Variants in TBCB observed in about 807,000 individuals in gnomAD.
TBCB encodes the protein tubulin-folding cofactor B.
TBCB carries 18 observed loss-of-function variants against 29.2 expected under a neutral mutation model. The ratio of observed to expected loss-of-function variants is 0.62; its 90% CI spans 0.43 to 0.91. TBCB has a LOEUF of 0.91. Among genes scored for constraint, TBCB ranks in the 40% least tolerant of loss-of-function variants. TBCB has a pLI of 0.00. For missense variants in TBCB, 336 were observed against 337.6 expected (o/e 1.00, Z 0.04); for synonymous variants, 172 against 137.8 (o/e 1.25, Z -1.74).
At chr19:36,121,371 G>A (rs1181470555) in intron 3 of TBCB, among the ~76,000 whole-genome samples, 156 bp from the exon 4 acceptor site, 1 of 151,918 alleles carries the variant, frequency 6.6e-6, no homozygotes, top group Non-Finnish European at 1.5e-5. Context: ...TCCTGGGAGA[G>A]GCTAAGGCTG....
upstream of TBCB, chr19:36,115,055 T>C (rs1326592317): frequency 3.3e-6 from 2 of 606,528 alleles, no homozygotes; most frequent in Non-Finnish European, 5.8e-6. Flanking sequence ...TATCTTAGAG[T>C]AATTGCTTCC....
chr19:36,121,494 A>G (rs2075474), intron 3 of TBCB, 33 bp from the exon 4 acceptor site: 614,037 of 1,533,986 alleles, frequency 0.4, 125,084 homozygotes, highest in African/African-American at 0.43. Context: ...CCCGGCCGAC[A>G]CCCCAACTGA....
chr19:36,116,748 C>A (rs1000549581), intron 2 of TBCB: 1 of 152,302 alleles, frequency 6.6e-6, no homozygotes, highest in Non-Finnish European at 1.5e-5. Context: ...TGTGCCCCAG[C>A]CTCCCGAGTA....
Position 36,121,513 on chromosome 19 carries a change from C to G in TBCB, c.356-14C>G, listed in dbSNP as rs1464640143. On this transcript the variant is annotated splice_polypyrimidine_tract_variant and intron_variant, in intron 3 of 5. Transcript: ENST00000221855. ...GCCGACACCCCAACTGACCCCAGCC[C>G]CCTCTGCCCACAGACACGGTCCGCT... The G allele has an allele frequency of 1.9e-6, 3 of 1,549,392 alleles. No homozygotes were observed. Among genetic ancestry groups the G allele is most frequent in the Non-Finnish European group, 2.6e-6 (3 of 1,150,026 alleles).
Position 36,120,812 on chromosome 19 carries a change from G to A in TBCB, c.355+6G>A, listed in dbSNP as rs368386652. On this transcript the variant is annotated splice_donor_region_variant and intron_variant, in intron 3 of 5. Coordinates refer to ENST00000221855, the MANE Select transcript of TBCB (RefSeq NM_001281.3). ...AGCCTACGACCAGAGGCAAGGTACG[G>A]GCAGGTGGGCGTCGAGGGGTGCGTG... The A allele has an allele frequency of 7.8e-5, 126 of 1,613,816 alleles. No homozygotes were observed. Among genetic ancestry groups the A allele is most frequent in the Non-Finnish European group, 1.1e-4 (124 of 1,179,970 alleles).
chr19:36,116,408 G>T (rs1973955741), intron 2 of TBCB: 1 of 488,132 alleles, frequency 2.0e-6, no homozygotes, highest in Admixed American at 3.7e-5. Context: ...CCAAGAAGAG[G>T]TGCCTGACTC....
At position 36,122,030 on chromosome 19, in the gene TBCB, G is replaced by T. The variant is rs186773102; in HGVS notation, c.547+312G>T. On this transcript the variant is annotated intron_variant, in intron 4 of 5. Transcript: ENST00000221855. ...CAGTCGCGGTGGGGAAACGGGCGGC[G>T]TGACCAAGGCAGGAGTGAGGGAACA... 425 of 466,802 alleles carry T rather than the reference G, an allele frequency of 9.1e-4. 3 individuals carry two copies. The highest frequency in any genetic ancestry group is 8.0e-3 in the African/African-American group (391 of 49,036). 28.9% of individuals were successfully genotyped at this position (466,802 alleles called of 1,614,324 possible).
chr19:36,116,317 C>T (rs991243930), intron 2 of TBCB, 133 bp downstream of exon 2: 30 of 1,204,022 alleles, frequency 2.5e-5, no homozygotes, highest in East Asian at 1.2e-4. Context: ...TGCAGCCTGA[C>T]GAGAGACAGA....
intron 4 of TBCB, among the ~76,000 whole-genome samples, chr19:36,125,068 C>T (rs1438804476): frequency 6.6e-6 from 1 of 152,156 alleles, no homozygotes; most frequent in African/African-American, 2.4e-5. Context: ...CACTGAGCAA[C>T]TTAAAGTTAT....
chr19:36,121,777 TG>T lies in TBCB; in HGVS notation c.547+64del, dbSNP rs1276580027. 8.4e-6 allele frequency: 13 copies of T among 1,545,158 alleles called. No individual in the cohort carries two copies. In the Admixed American group the frequency reaches 2.0e-4, roughly 23 times the overall value. On this transcript the variant is annotated intron_variant, in intron 4 of 5. Transcript: ENST00000221855. ...GGGCTCCAAGGCCGGGAGGAAATGT[TG>T]GGGGCACAGTGGAGCCTCGGAGACC... is the stretch of plus-strand genomic sequence containing the variant.
chr19:36,121,820 C>T, intron 4 of TBCB, 102 bp downstream of exon 4: 2 of 1,445,996 alleles, frequency 1.4e-6, no homozygotes, highest in Middle Eastern at 2.0e-4. Context: ...TGCCTAGGGG[C>T]GCGGGGTTGG....
Position 36,121,560 on chromosome 19 carries a change from T to TCGGC in TBCB, c.393_396dup (p.Tyr133ProfsTer35). Reference sequence around the variant, plus strand: ...CGCTCTTTCCTGAAGCGCAGCAAGCTCGGCCGGTACAACGAGGAGGAGCGG... The same window carrying TCGGC: ...CGCTCTTTCCTGAAGCGCAGCAAGCTCGGCCGGCCGGTACAACGAGGAGGAGCGG... On this transcript the variant is annotated frameshift_variant, in exon 4 of 6. Transcript: ENST00000221855. LOFTEE classifies it high-confidence loss of function. 6.4e-7 allele frequency: 1 copy of TCGGC among 1,560,558 alleles called. No individual in the cohort carries two copies. The highest frequency in any genetic ancestry group is 2.4e-5 in the East Asian group (1 of 41,988).
chr19:36,124,791 C>A (rs945333388), intron 4 of TBCB, among the ~76,000 whole-genome samples: 1 of 152,302 alleles, frequency 6.6e-6, no homozygotes, highest in Non-Finnish European at 1.5e-5. Flanking sequence ...GATCCACCCT[C>A]CTCAGCCTAC....
upstream of TBCB, chr19:36,115,093 A>G (rs1034435407): frequency 6.7e-6 from 4 of 596,234 alleles, no homozygotes; most frequent in African/African-American, 7.4e-5. Flanking sequence ...GCCTCAGTTT[A>G]CAGAATAGTA....
At chr19:36,117,398 G>A (rs1424215250) in intron 2 of TBCB, among the ~76,000 whole-genome samples, 1 of 152,168 alleles carries the variant, frequency 6.6e-6, no homozygotes, top group Non-Finnish European at 1.5e-5. Context: ...AGGCCGGAAT[G>A]CAGTGGTGTG....
intron 3 of TBCB, 27 bp from the exon 4 acceptor site, chr19:36,121,500 A>G (rs1974049083): frequency 1.3e-6 from 2 of 1,540,848 alleles, no homozygotes; most frequent in South Asian, 1.2e-5. Flanking sequence ...CGACACCCCA[A>G]CTGACCCCAG....
chr19:36,115,532 C>T lies in TBCB; in HGVS notation c.-29C>T, dbSNP rs772998768. 6.4e-7 allele frequency: 1 copy of T among 1,551,808 alleles called. No individual in the cohort carries two copies. The highest frequency in any genetic ancestry group is 8.8e-7 in the Non-Finnish European group (1 of 1,142,048). On this transcript the variant is annotated 5_prime_UTR_variant, in exon 1 of 6. Coordinates refer to ENST00000221855, the MANE Select transcript of TBCB (RefSeq NM_001281.3). ...GAGCGGGTGTGAGGCGGCTGGACCGCGCTGCAGGCATCCGCAGGGCGCGGC... is the reference window on the plus strand; with the variant it reads ...GAGCGGGTGTGAGGCGGCTGGACCGTGCTGCAGGCATCCGCAGGGCGCGGC...
At position 36,116,183 on chromosome 19, in the gene TBCB, A is replaced by C; in HGVS notation, c.257A>C (p.His86Pro). 1 of 1,613,916 alleles carries C rather than the reference A, an allele frequency of 6.2e-7. No individual in the cohort carries two copies. Among genetic ancestry groups the C allele is most frequent in the Non-Finnish European group, 8.5e-7 (1 of 1,179,854 alleles). ...CCTGTAGATGACGGCTGCCGCATCC[A>C]CGTGAGGACTCTCTATCTGGGACAC... ...SYPVDDGCRI[H>P]VIDHSGARLG... The change falls in exon 2 of 6, where the codon CAC becomes CCC. Residue 86 changes from histidine to proline, a missense_variant and splice_region_variant. His to Pro is a moderately conservative substitution (Grantham distance 77). Transcript: ENST00000221855.
At chr19:36,125,112 C>G (rs565295736) in intron 4 of TBCB, among the ~76,000 whole-genome samples, 7 of 152,196 alleles carry the variant, frequency 4.6e-5, no homozygotes, top group Non-Finnish European at 1.5e-5. Context: ...AGTTCAAGAT[C>G]AAGCTGTCAG....
Sources: allele counts gnomAD v4.1 joint callset (sites outside exome capture counted in the v4.1 genomes callset), GRCh38; gene constraint gnomAD v4.1.1; transcripts MANE v1.5; gene names NCBI Gene and HGNC (gene_info 2026-07-23, HGNC 2026-07-21).